Variants in RAP1A observed in about 807,000 individuals in gnomAD.
RAP1A encodes the protein RAP1A, member of RAS oncogene family.
In RAP1A, 6 loss-of-function variants were observed where a neutral mutation model predicts 26.4. That is an observed-to-expected ratio of 0.23 (90% CI 0.12 to 0.45). The LOEUF (loss-of-function observed/expected upper bound fraction) is 0.45, where lower values mean the gene tolerates loss of function less well. Ranked by LOEUF, RAP1A falls within the 20% of genes least tolerant of loss-of-function variation. The probability of loss-of-function intolerance (pLI) is 0.99; values close to 1 mark genes in which losing one functional copy is unlikely to be tolerated. For synonymous variants in RAP1A, 73 were observed against 79.4 expected, an observed-to-expected ratio of 0.92 and a Z score of 0.43; for missense variants, 121 against 217.2, an observed-to-expected ratio of 0.56 and a Z score of 2.78.
At chr1:111,593,207 T>A (rs1273056403) in intron 1 of RAP1A, among the ~76,000 whole-genome samples, 1 of 152,128 alleles carries the variant, frequency 6.6e-6, no homozygotes, top group African/African-American at 2.4e-5. Flanking sequence ...GGCTGTCTAG[T>A]AAAAATCAGC....
intron 1 of RAP1A, among the ~76,000 whole-genome samples, chr1:111,589,933 C>T (rs761917690): frequency 1.4e-4 from 22 of 151,868 alleles, no homozygotes; most frequent in Non-Finnish European, 2.6e-4. Context: ...TTAATTTTTG[C>T]TTTTGTTTTT....
intron 1 of RAP1A, among the ~76,000 whole-genome samples, chr1:111,630,402 G>A (rs1350065031): frequency 6.6e-6 from 1 of 152,126 alleles, no homozygotes; most frequent in African/African-American, 2.4e-5. Context: ...ATTATTGAGT[G>A]CTTGATACTA....
intron 1 of RAP1A, among the ~76,000 whole-genome samples, chr1:111,639,219 C>T (rs1176220097): frequency 6.6e-6 from 1 of 152,064 alleles, no homozygotes; most frequent in East Asian, 1.9e-4. Context: ...TAGTTCTCTA[C>T]TTATACCTTC....
chr1:111,597,517 ATTTCT>A (rs1260884761), intron 1 of RAP1A, among the ~76,000 whole-genome samples: 2 of 152,204 alleles, frequency 1.3e-5, no homozygotes, highest in African/African-American at 4.8e-5. Context: ...CATCTGCTAT[ATTTCT>A]AGTGTGACAC....
chr1:111,563,569 G>A (rs1657831887), intron 1 of RAP1A, among the ~76,000 whole-genome samples: 1 of 152,146 alleles, frequency 6.6e-6, no homozygotes, highest in Admixed American at 6.5e-5. Flanking sequence ...CGAAGGTGTA[G>A]GGTAGGTAGA....
chr1:111,622,335 A>G (rs1273744303), intron 1 of RAP1A, among the ~76,000 whole-genome samples: 4 of 152,106 alleles, frequency 2.6e-5, no homozygotes, highest in Admixed American at 2.6e-4. Context: ...CTATTTCCCT[A>G]ATCTCAAGCC....
Position 111,638,226 on chromosome 1 carries a change from A to G in RAP1A, c.-28+18292A>G, listed in dbSNP as rs148467319. ...ATCCCATATCACTATGTATAATTCT[A>G]CCTCATTCTTGTAAGCTGTATGATA... On this transcript the variant is annotated intron_variant, in intron 1 of 7. Transcript: ENST00000369709. Among the ~76,000 whole-genome samples, 50 of 152,224 alleles carry G rather than the reference A, an allele frequency of 3.3e-4. No homozygotes were observed. The East Asian group carries it at 8.1e-3, about 25-fold the overall frequency.
chr1:111,546,539 G>A (rs1462467454), intron 1 of RAP1A, among the ~76,000 whole-genome samples: 1 of 152,106 alleles, frequency 6.6e-6, no homozygotes, highest in Non-Finnish European at 1.5e-5. Context: ...TTTTGTGACT[G>A]CCTTATTTCA....
intron 1 of RAP1A, chr1:111,648,607 C>T (rs1660157303): frequency 1.9e-6 from 1 of 526,504 alleles, no homozygotes; most frequent in African/African-American, 1.9e-5. Context: ...GCCTCCACCT[C>T]CCTCAGTCTG....
chr1:111,687,352 C>T (rs1024709614), intron 1 of RAP1A, among the ~76,000 whole-genome samples: 3 of 152,044 alleles, frequency 2.0e-5, no homozygotes, highest in Middle Eastern at 3.4e-3. Context: ...GGATTACAGG[C>T]GCCTGCCACC....
intron 5 of RAP1A, 52 bp from the exon 6 acceptor site, chr1:111,704,291 G>C (rs1246492847): frequency 3.2e-6 from 5 of 1,565,078 alleles, no homozygotes; most frequent in Non-Finnish European, 4.4e-6. Context: ...TTTTTTAAAA[G>C]GCTAAGTAAT....
At chr1:111,611,864 C>G (rs1312660087) in intron 1 of RAP1A, among the ~76,000 whole-genome samples, 2 of 152,170 alleles carry the variant, frequency 1.3e-5, no homozygotes, top group African/African-American at 2.4e-5. Context: ...ACTAAAAGCA[C>G]ATTTTTTGTT....
intron 1 of RAP1A, among the ~76,000 whole-genome samples, chr1:111,549,320 T>TTTTTC (rs1657161438): frequency 6.6e-6 from 1 of 151,776 alleles, no homozygotes; most frequent in African/African-American, 2.4e-5. Flanking sequence ...TTTTTTTTTT[T>TTTTTC]TTTTTCTTGT....
At chr1:111,586,443 C>G (rs1658365709) in intron 1 of RAP1A, among the ~76,000 whole-genome samples, 1 of 152,154 alleles carries the variant, frequency 6.6e-6, no homozygotes, top group Non-Finnish European at 1.5e-5. Flanking sequence ...ACTGGCCATG[C>G]ATGGTGGCAT....
intron 1 of RAP1A, among the ~76,000 whole-genome samples, chr1:111,603,515 T>C (rs1242778597): frequency 6.6e-6 from 1 of 152,246 alleles, no homozygotes; most frequent in Non-Finnish European, 1.5e-5. Context: ...TGGGGTGCAC[T>C]GAAGATTCAA....
chr1:111,696,495 A>G (rs1429003120), intron 3 of RAP1A, among the ~76,000 whole-genome samples: 36 of 152,190 alleles, frequency 2.4e-4, no homozygotes, highest in Admixed American at 2.4e-3. Context: ...CACTTGTCCC[A>G]TAAGTGGTGG....
intron 2 of RAP1A, among the ~76,000 whole-genome samples, chr1:111,692,608 T>C (rs922350676): frequency 6.6e-6 from 1 of 152,178 alleles, no homozygotes; most frequent in African/African-American, 2.4e-5. Context: ...AACCTAAATG[T>C]ATTCCATTAA....
At position 111,626,799 on chromosome 1, in the gene RAP1A, T is replaced by C. The variant is rs116143757; in HGVS notation, c.-28+6865T>C. 6.8e-3 allele frequency among the ~76,000 whole-genome samples: 1,029 copies of C among 152,334 alleles called. 12 individuals carry two copies. Among genetic ancestry groups the C allele is most frequent in the African/African-American group, 0.024 (990 of 41,580 alleles). On this transcript the variant is annotated intron_variant, in intron 1 of 7. Coordinates refer to ENST00000369709, the MANE Select transcript of RAP1A (RefSeq NM_002884.4). ...ACTTGTATTATTCTCAGTAGACATA[T>C]ATAATAAAATAGTCCATTTAACTGT...
chr1:111,641,443 ACCTT>A (rs1463736142), intron 1 of RAP1A, among the ~76,000 whole-genome samples: 2 of 152,176 alleles, frequency 1.3e-5, no homozygotes, highest in Non-Finnish European at 2.9e-5. Context: ...TTCTGGCTCC[ACCTT>A]CCAGATTCTT....
Sources: allele counts gnomAD v4.1 joint callset (sites outside exome capture counted in the v4.1 genomes callset), GRCh38; gene constraint gnomAD v4.1.1; transcripts MANE v1.5; gene names NCBI Gene and HGNC (gene_info 2026-07-23, HGNC 2026-07-21).